Variants in ANKRD62 observed in about 807,000 individuals in gnomAD.
The protein encoded by ANKRD62 is ankyrin repeat domain 62, also known as ankyrin repeat domain-containing protein 62.
ANKRD62 carries 61 observed loss-of-function variants against 98.8 expected under a neutral mutation model. The observed-to-expected ratio is 0.62, with a 90% confidence interval of 0.50 to 0.76. The LOEUF (loss-of-function observed/expected upper bound fraction) is 0.76. ANKRD62 is among the 30% of genes least tolerant of loss of function. The pLI is 0.00. For synonymous variants in ANKRD62, 341 were observed against 367.9 expected (o/e 0.93, Z 0.84); for missense variants, 933 against 1,082.9 (o/e 0.86, Z 1.94).
chr18:12,152,742 CAAAT>C, the ANKRD62 span, among the ~76,000 whole-genome samples: 6 of 152,242 alleles, frequency 3.9e-5, no homozygotes, highest in South Asian at 6.2e-4. Flanking sequence ...AGCAATCAAA[CAAAT>C]AAATAAAGGG....
intron 8 of ANKRD62, 76 bp downstream of exon 8, chr18:12,107,543 G>A: frequency 1.8e-5 from 21 of 1,143,146 alleles, no homozygotes; most frequent in Non-Finnish European, 2.3e-5. Flanking sequence ...GGGTTAATAT[G>A]TACGATTAAC....
chr18:12,157,653 T>C, the ANKRD62 span, among the ~76,000 whole-genome samples: 1 of 152,240 alleles, frequency 6.6e-6, no homozygotes, highest in Non-Finnish European at 1.5e-5. Context: ...CCTCGCTTTC[T>C]ATTTACATCT....
intron 10 of ANKRD62, among the ~76,000 whole-genome samples, chr18:12,116,856 A>G (rs1316759370): frequency 6.6e-6 from 1 of 152,156 alleles, no homozygotes; most frequent in Non-Finnish European, 1.5e-5. Context: ...TGGAGAATTG[A>G]CTTCTTAACA....
At chr18:12,150,653 T>A in the ANKRD62 span, among the ~76,000 whole-genome samples, 1 of 152,160 alleles carries the variant, frequency 6.6e-6, no homozygotes, top group Non-Finnish European at 1.5e-5. Context: ...ATATTTGACA[T>A]TCTTAAAGAA....
the ANKRD62 span, among the ~76,000 whole-genome samples, chr18:12,164,393 T>G: frequency 6.6e-6 from 1 of 152,072 alleles, no homozygotes; most frequent in Admixed American, 6.6e-5. Flanking sequence ...TCCCTTTTTT[T>G]CTTTGTTAGT....
chr18:12,098,272 C>T lies in ANKRD62; in HGVS notation c.752+495C>T, dbSNP rs79837145. On this transcript the variant is annotated intron_variant, in intron 5 of 13. Transcript: ENST00000587848. ...ATAATAATAAAAATCTCCCAGCCCA[C>T]TTGCTTCTCCACCTCAAGTTTTTAA... is the stretch of plus-strand genomic sequence containing the variant. Among the ~76,000 whole-genome samples, 150 of 152,366 alleles carry T rather than the reference C, an allele frequency of 9.8e-4. 1 individual carries two copies. The East Asian group carries it at 0.013, about 13-fold the overall frequency.
the ANKRD62 span, among the ~76,000 whole-genome samples, chr18:12,156,955 G>T: frequency 6.6e-6 from 1 of 151,918 alleles, no homozygotes; most frequent in Admixed American, 6.6e-5. Flanking sequence ...GCTCTCTCTC[G>T]CTCGCTGTCT....
At chr18:12,131,623 G>A (rs1910006273), downstream of ANKRD62, among the ~76,000 whole-genome samples, 1 of 152,134 alleles carries the variant, frequency 6.6e-6, no homozygotes, top group Non-Finnish European at 1.5e-5. Context: ...TCAAGGTTAT[G>A]GTAGTGATTT....
At chr18:12,102,404 G>C (rs1464389831) in intron 6 of ANKRD62, 1 of 555,918 alleles carries the variant, frequency 1.8e-6, no homozygotes, top group Non-Finnish European at 3.4e-6. Flanking sequence ...GACCACTGGG[G>C]TTCGCAGCAA....
At chr18:12,145,274 C>T in the ANKRD62 span, among the ~76,000 whole-genome samples, 4 of 152,228 alleles carry the variant, frequency 2.6e-5, no homozygotes, top group Middle Eastern at 6.8e-3. Context: ...CACTGCTCTG[C>T]TACCGCCCCC....
chr18:12,169,835 A>C, the ANKRD62 span, among the ~76,000 whole-genome samples: 1 of 152,256 alleles, frequency 6.6e-6, no homozygotes, highest in South Asian at 2.1e-4. Context: ...CAGCAATTCA[A>C]CTTCTTCCTG....
chr18:12,172,829 C>T, the ANKRD62 span, among the ~76,000 whole-genome samples: 2 of 152,336 alleles, frequency 1.3e-5, no homozygotes, highest in East Asian at 3.9e-4. Flanking sequence ...CCCCCAACCT[C>T]ACTGCCACCT....
the ANKRD62 span, among the ~76,000 whole-genome samples, chr18:12,151,134 G>A: frequency 5.9e-5 from 9 of 152,164 alleles, no homozygotes; most frequent in South Asian, 8.3e-4. Context: ...CAGGGCTTGC[G>A]ATCCTAATTT....
chr18:12,167,293 A>G, the ANKRD62 span, among the ~76,000 whole-genome samples: 2 of 150,150 alleles, frequency 1.3e-5, no homozygotes, highest in African/African-American at 4.9e-5. Context: ...CCATTCCCCC[A>G]CCCCGTGACA....
At chr18:12,118,864 A>G (rs983827512) in intron 10 of ANKRD62, among the ~76,000 whole-genome samples, 1 of 152,050 alleles carries the variant, frequency 6.6e-6, no homozygotes, top group Non-Finnish European at 1.5e-5. Context: ...TATTGGTAAT[A>G]TCATTGTCTG....
chr18:12,097,431 A>G (rs1909205908), intron 4 of ANKRD62, among the ~76,000 whole-genome samples: 1 of 152,186 alleles, frequency 6.6e-6, no homozygotes, highest in Non-Finnish European at 1.5e-5. Context: ...CCAGTGGGAC[A>G]AGAGGCTTCC....
the ANKRD62 span, among the ~76,000 whole-genome samples, chr18:12,173,429 G>A: frequency 6.6e-6 from 1 of 152,150 alleles, no homozygotes; most frequent in Non-Finnish European, 1.5e-5. Flanking sequence ...ATGCCAATGG[G>A]TCTTGCTTTT....
chr18:12,131,393 C>A (rs1375518675), downstream of ANKRD62, among the ~76,000 whole-genome samples: 2 of 152,140 alleles, frequency 1.3e-5, no homozygotes, highest in Non-Finnish European at 2.9e-5. Context: ...ACATTAAATA[C>A]TTTTTCTTAT....
At chr18:12,108,365 T>C (rs1243396852) in intron 8 of ANKRD62, among the ~76,000 whole-genome samples, 1 of 152,120 alleles carries the variant, frequency 6.6e-6, no homozygotes, top group Non-Finnish European at 1.5e-5. Flanking sequence ...CACAAGGCGG[T>C]AGGAGAGAGT....
Sources: gnomAD v4.1 joint callset for allele counts (sites outside exome capture counted in the v4.1 genomes callset) on GRCh38, gnomAD v4.1.1 for gene constraint, MANE v1.5 for transcripts, NCBI Gene and HGNC (gene_info 2026-07-23, HGNC 2026-07-21) for gene names.